Variants in GALNT17 observed in about 807,000 individuals in gnomAD.
The protein encoded by GALNT17 is UDP-GalNAc:polypeptide N-acetylgalactosaminyltransferase-like 3.
A neutral mutation model predicts 63.7 loss-of-function variants in GALNT17; 29 were observed. That is an observed-to-expected ratio of 0.46 (90% CI 0.34 to 0.62). GALNT17 has a LOEUF of 0.62. GALNT17 is among the 20% of genes least tolerant of loss of function. The pLI is 0.01. For missense variants in GALNT17, 603 were observed against 799.6 expected (o/e 0.75, Z 2.97); for synonymous variants, 305 against 318.3 (o/e 0.96, Z 0.45).
At chr7:71,556,540 C>T (rs1789165018) in intron 5 of GALNT17, among the ~76,000 whole-genome samples, 1 of 152,016 alleles carries the variant, frequency 6.6e-6, no homozygotes, top group Admixed American at 6.6e-5. Context: ...GCTAAACTCA[C>T]CCTCGGCATC....
intron 1 of GALNT17, among the ~76,000 whole-genome samples, chr7:71,152,221 C>CT (rs951151942): frequency 2.0e-4 from 31 of 151,840 alleles, no homozygotes; most frequent in South Asian, 1.2e-3. Context: ...AGAGCTTTTT[C>CT]TTTTTTTTCA....
At chr7:71,344,338 A>G (rs1025838745) in intron 2 of GALNT17, among the ~76,000 whole-genome samples, 5 of 152,216 alleles carry the variant, frequency 3.3e-5, no homozygotes, top group African/African-American at 1.2e-4. Context: ...CAGGCACTCC[A>G]TGGCTCAGGG....
intron 1 of GALNT17, among the ~76,000 whole-genome samples, chr7:71,265,863 G>C (rs1790484202): frequency 1.3e-5 from 2 of 152,256 alleles, no homozygotes; most frequent in South Asian, 4.1e-4. Flanking sequence ...GTAACAAATG[G>C]CTTCATAGTG....
chr7:71,710,721 C>A, intron 9 of GALNT17, 40 bp from the exon 10 acceptor site: 1 of 1,607,146 alleles, frequency 6.2e-7, no homozygotes. Context: ...TCACTCCTGC[C>A]TCCCACTTCC....
At chr7:71,557,716 G>A (rs753887496) in intron 5 of GALNT17, among the ~76,000 whole-genome samples, 6 of 151,606 alleles carry the variant, frequency 4.0e-5, no homozygotes, top group African/African-American at 7.3e-5. Flanking sequence ...GCTTGAACCC[G>A]GGAAATGAAA....
intron 5 of GALNT17, among the ~76,000 whole-genome samples, chr7:71,468,017 T>C (rs1398561825): frequency 4.6e-5 from 7 of 152,166 alleles, no homozygotes; most frequent in Admixed American, 4.6e-4. Flanking sequence ...GGGCATTCTT[T>C]TCTCGTTATT....
intron 3 of GALNT17, among the ~76,000 whole-genome samples, chr7:71,391,711 T>C (rs1400079368): frequency 1.3e-5 from 2 of 152,140 alleles, no homozygotes; most frequent in Non-Finnish European, 1.5e-5. Flanking sequence ...AGTCTCAAAC[T>C]CCTGGGCTCA....
chr7:71,415,816 G>T, intron 3 of GALNT17, 73 bp from the exon 4 acceptor site: 1 of 1,431,954 alleles, frequency 7.0e-7, no homozygotes, highest in South Asian at 1.6e-5. Context: ...AAGATCTGTG[G>T]GCATTGCAGT....
chr7:71,295,128 ATTC>A (rs1276035279), intron 1 of GALNT17, among the ~76,000 whole-genome samples: 1 of 152,038 alleles, frequency 6.6e-6, no homozygotes, highest in Non-Finnish European at 1.5e-5. Context: ...CTATATGGTA[ATTC>A]TTCTAAGTTC....
In GALNT17 at chr7:71,712,881, T is replaced by C. The variant is rs1290299944; in HGVS notation, c.*735T>C. On this transcript the variant is annotated 3_prime_UTR_variant, in exon 11 of 11. Transcript: ENST00000333538. ...AGACAGAAATAGGCTAAGCCTGCAG[T>C]AGGATCTCAGCCACAAGGGCCCCGC... 1 of 152,572 alleles carries C rather than the reference T, an allele frequency of 6.6e-6. No individual in the cohort carries two copies. The highest frequency in any genetic ancestry group is 2.4e-5 in the African/African-American group (1 of 41,414). The allele number at this position is 152,572 out of a possible 1,614,324, so 9.5% of individuals were successfully genotyped here. A position where few individuals can be genotyped will look rare whatever the true frequency, so the allele number is the denominator to read the frequency against.
intron 6 of GALNT17, among the ~76,000 whole-genome samples, chr7:71,602,190 C>A (rs1287821093): frequency 2.0e-5 from 3 of 152,206 alleles, no homozygotes; most frequent in African/African-American, 2.4e-5. Context: ...AATCAAAATG[C>A]GTAGAGTATT....
At chr7:71,200,308 C>G (rs528792058) in intron 1 of GALNT17, among the ~76,000 whole-genome samples, 1 of 152,274 alleles carries the variant, frequency 6.6e-6, no homozygotes, top group Non-Finnish European at 1.5e-5. Flanking sequence ...GATGGAGCAT[C>G]TGCTCTGGGT....
chr7:71,543,035 G>T (rs1245023608), intron 5 of GALNT17, among the ~76,000 whole-genome samples: 29 of 141,236 alleles, frequency 2.1e-4, no homozygotes, highest in Admixed American at 4.2e-4. Flanking sequence ...TTTGACCTTT[G>T]TTAAAAAAAA....
At chr7:71,160,640 G>T (rs972778586) in intron 1 of GALNT17, among the ~76,000 whole-genome samples, 2 of 151,818 alleles carry the variant, frequency 1.3e-5, no homozygotes, top group African/African-American at 4.8e-5. Context: ...TGTATTTTTA[G>T]TAGTGACGGG....
chr7:71,506,078 G>A (rs1286566211), intron 5 of GALNT17, among the ~76,000 whole-genome samples: 1 of 152,064 alleles, frequency 6.6e-6, no homozygotes, highest in Non-Finnish European at 1.5e-5. Context: ...AGTAGTAGTG[G>A]CATTGGTGGG....
chr7:71,548,779 C>G (rs1789028407), intron 5 of GALNT17, among the ~76,000 whole-genome samples: 1 of 152,220 alleles, frequency 6.6e-6, no homozygotes, highest in African/African-American at 2.4e-5. Flanking sequence ...CCTGTCTCTT[C>G]TTCCTCAGAG....
intron 1 of GALNT17, among the ~76,000 whole-genome samples, chr7:71,279,124 C>A (rs1417871683): frequency 1.3e-5 from 2 of 151,946 alleles, no homozygotes; most frequent in Non-Finnish European, 2.9e-5. Context: ...TGGGTTTCAC[C>A]ATGTTGGCCA....
At chr7:71,472,325 T>C (rs1461889671) in intron 5 of GALNT17, among the ~76,000 whole-genome samples, 1 of 152,208 alleles carries the variant, frequency 6.6e-6, no homozygotes, top group Non-Finnish European at 1.5e-5. Flanking sequence ...ATTTAGCTCA[T>C]AATGGTTATT....
chr7:71,335,285 C>T (rs958455857), intron 1 of GALNT17, among the ~76,000 whole-genome samples: 6 of 152,108 alleles, frequency 3.9e-5, no homozygotes, highest in South Asian at 2.1e-4. Flanking sequence ...GTGTGCACCA[C>T]GACGCCCAGC....
Sources: gnomAD v4.1 joint callset for allele counts (sites outside exome capture counted in the v4.1 genomes callset) on GRCh38, gnomAD v4.1.1 for gene constraint, MANE v1.5 for transcripts, NCBI Gene and HGNC (gene_info 2026-07-23, HGNC 2026-07-21) for gene names.